The following CATSPERB variants were observed in gnomAD, a reference collection of about 807,000 sequenced individuals.
CATSPERB encodes the protein catsper channel auxiliary subunit beta.
In CATSPERB, 93 loss-of-function variants were observed where a neutral mutation model predicts 128.3. That is an observed-to-expected ratio of 0.72 (90% CI 0.61 to 0.86). The LOEUF is 0.86. Among genes scored for constraint, CATSPERB ranks in the 40% least tolerant of loss-of-function variants. The pLI, the probability that CATSPERB is intolerant of heterozygous loss-of-function variation, is 0.00. For synonymous variants in CATSPERB, 381 were observed against 448.8 expected (o/e 0.85, Z 1.91); for missense variants, 1,153 against 1,329.5 (o/e 0.87, Z 2.06).
chr14:91,603,347 A>C (rs1893640802), intron 22 of CATSPERB: 1 of 1,607,726 alleles, frequency 6.2e-7, no homozygotes, highest in Non-Finnish European at 8.5e-7. Context: ...TCAACACTAC[A>C]TCAGGTAACT....
intron 13 of CATSPERB, among the ~76,000 whole-genome samples, chr14:91,670,909 G>A (rs573271773): frequency 6.6e-6 from 1 of 152,010 alleles, no homozygotes; most frequent in East Asian, 1.9e-4. Context: ...AGGCTGAGGT[G>A]GGAGAATCTC....
intron 26 of CATSPERB, 117 bp downstream of exon 26, chr14:91,587,085 A>G: frequency 1.4e-6 from 1 of 724,602 alleles, no homozygotes; most frequent in Non-Finnish European, 2.3e-6. Flanking sequence ...CCCTGTCTTT[A>G]AGCCTTGTCC....
chr14:91,638,682 A>G (rs1445219430), intron 16 of CATSPERB, among the ~76,000 whole-genome samples: 1 of 152,220 alleles, frequency 6.6e-6, no homozygotes, highest in South Asian at 2.1e-4. Flanking sequence ...TCAGCCTCCC[A>G]CAATGCTAGG....
intron 19 of CATSPERB, among the ~76,000 whole-genome samples, chr14:91,618,170 A>AGTT: frequency 1.3e-5 from 2 of 152,192 alleles, no homozygotes; most frequent in African/African-American, 4.8e-5. Context: ...GGCATTTGTA[A>AGTT]ACTGTCATGG....
At chr14:91,639,919 T>C (rs1894460939) in intron 15 of CATSPERB, among the ~76,000 whole-genome samples, 1 of 143,734 alleles carries the variant, frequency 7.0e-6, no homozygotes, top group Non-Finnish European at 1.5e-5. Context: ...CACATTGGAG[T>C]GTCCAGGACT....
chr14:91,603,525 G>A (rs1433845641), intron 22 of CATSPERB: 8 of 856,006 alleles, frequency 9.3e-6, no homozygotes, highest in Non-Finnish European at 2.0e-6. Context: ...CGGCCAGCAA[G>A]GAAGGGGTGC....
At chr14:91,729,632 T>C (rs1896181118) in intron 1 of CATSPERB, among the ~76,000 whole-genome samples, 153 bp from the exon 2 acceptor site, 1 of 152,236 alleles carries the variant, frequency 6.6e-6, no homozygotes, top group African/African-American at 2.4e-5. Flanking sequence ...AACAGTTGCC[T>C]AAACTCTAAA....
At chr14:91,597,786 C>T (rs928296400) in intron 22 of CATSPERB, among the ~76,000 whole-genome samples, 2 of 152,120 alleles carry the variant, frequency 1.3e-5, no homozygotes, top group Non-Finnish European at 2.9e-5. Context: ...TAATTGCTGT[C>T]AGTGTTTAAG....
chr14:91,608,953 G>A (rs2139775583), intron 21 of CATSPERB, among the ~76,000 whole-genome samples: 1 of 152,216 alleles, frequency 6.6e-6, no homozygotes, highest in East Asian at 1.9e-4. Flanking sequence ...ATAGCCTACT[G>A]TTGACCAGAA....
chr14:91,587,356 G>T, intron 25 of CATSPERB, 80 bp from the exon 26 acceptor site: 2 of 1,005,086 alleles, frequency 2.0e-6, no homozygotes, highest in South Asian at 1.8e-5. Context: ...ATACCCTGGG[G>T]CCACTGTCCC....
intron 11 of CATSPERB, among the ~76,000 whole-genome samples, chr14:91,675,999 C>A (rs1249446856): frequency 6.6e-6 from 1 of 152,138 alleles, no homozygotes; most frequent in African/African-American, 2.4e-5. Flanking sequence ...AACTCCAATT[C>A]TTTTGCCCTT....
intron 15 of CATSPERB, among the ~76,000 whole-genome samples, chr14:91,646,999 A>G (rs1048790029): frequency 2.0e-5 from 3 of 152,208 alleles, no homozygotes; most frequent in Admixed American, 2.0e-4. Context: ...CGGGCAGATC[A>G]CCTAAGGTCA....
chr14:91,626,365 T>C (rs1302610670), intron 17 of CATSPERB, among the ~76,000 whole-genome samples: 1 of 134,490 alleles, frequency 7.4e-6, no homozygotes, highest in Non-Finnish European at 1.6e-5. Flanking sequence ...GGGACTTTTT[T>C]TTTTTTTTTT....
At chr14:91,719,616 G>A in intron 4 of CATSPERB, 138 bp from the exon 5 acceptor site, 6 of 590,662 alleles carry the variant, frequency 1.0e-5, no homozygotes, top group South Asian at 5.6e-5. Flanking sequence ...TTCACTCTTA[G>A]GAATTTTTCC....
intron 26 of CATSPERB, among the ~76,000 whole-genome samples, chr14:91,583,881 C>T (rs1249966143): frequency 6.6e-6 from 1 of 151,922 alleles, no homozygotes; most frequent in African/African-American, 2.4e-5. Context: ...CCTTTCTCCT[C>T]CCCTTTCTTT....
intron 7 of CATSPERB, among the ~76,000 whole-genome samples, chr14:91,698,893 T>C (rs1895603439): frequency 6.6e-6 from 1 of 152,160 alleles, no homozygotes; most frequent in Admixed American, 6.5e-5. Context: ...GTCCATTACA[T>C]CACTCTGTAT....
intron 11 of CATSPERB, among the ~76,000 whole-genome samples, chr14:91,683,498 T>C (rs1000256031): frequency 1.3e-5 from 2 of 152,168 alleles, no homozygotes. Flanking sequence ...GACACTCCCT[T>C]GTACTGCTGG....
rs199699957 is a variant in CATSPERB, at chr14:91,613,336, TA to T, written c.2401-2660del. 5.2e-3 allele frequency among the ~76,000 whole-genome samples: 795 copies of T among 152,142 alleles called. 4 individuals carry two copies. Among genetic ancestry groups the T allele is most frequent in the Non-Finnish European group, 9.2e-3 (623 of 67,986 alleles). The stretch of plus-strand genomic sequence containing the variant: ...TGTCTATATCTTAAAGTTTTCATGA[TA>T]AAAAAATTTTAGAATATGTAAGAAA... On this transcript the variant is annotated intron_variant, in intron 20 of 26. Coordinates refer to ENST00000256343, the MANE Select transcript of CATSPERB (RefSeq NM_024764.4).
intron 21 of CATSPERB, 126 bp downstream of exon 21, chr14:91,610,353 TA>T (rs996754681): frequency 3.0e-6 from 2 of 676,986 alleles, no homozygotes; most frequent in Non-Finnish European, 4.9e-6. Flanking sequence ...ACATGAGGAT[TA>T]AAAAATAACT....
Sources: gnomAD v4.1 joint callset for allele counts (sites outside exome capture counted in the v4.1 genomes callset) on GRCh38, gnomAD v4.1.1 for gene constraint, MANE v1.5 for transcripts, NCBI Gene and HGNC (gene_info 2026-07-23, HGNC 2026-07-21) for gene names.